Variants in MAP2 observed in about 807,000 individuals in gnomAD.
MAP2 encodes the protein microtubule-associated protein 2.
MAP2 carries 14 observed loss-of-function variants against 137.6 expected under a neutral mutation model. That is an observed-to-expected ratio of 0.10 (90% confidence interval 0.07 to 0.16). MAP2 has a LOEUF of 0.16. Ranked by LOEUF, MAP2 falls within the 10% of genes least tolerant of loss-of-function variation. The pLI, the probability that MAP2 is intolerant of heterozygous loss-of-function variation, is 1.00. For synonymous variants in MAP2, 786 were observed against 782.3 expected (o/e 1.00, Z -0.08); for missense variants, 2,088 against 2,191.5 (o/e 0.95, Z 0.94).
intron 4 of MAP2, among the ~76,000 whole-genome samples, chr2:209,639,800 G>A (rs2663659): frequency 0.29 from 43,960 of 151,406 alleles, 10,317 homozygotes; most frequent in African/African-American, 0.65. Context: ...TTTATTTAGC[G>A]AGCATTTGTT....
chr2:209,433,431 C>T (rs189829232), intron 1 of MAP2, among the ~76,000 whole-genome samples: 167 of 152,096 alleles, frequency 1.1e-3, no homozygotes, highest in African/African-American at 3.7e-3. Context: ...CCAACAGACA[C>T]GGTAGAGGAT....
intron 3 of MAP2, among the ~76,000 whole-genome samples, chr2:209,604,352 T>C (rs1478405985): frequency 6.6e-6 from 1 of 152,130 alleles, no homozygotes; most frequent in Non-Finnish European, 1.5e-5. Context: ...GGCTCTTTAG[T>C]TCCCTAAAGT....
chr2:209,539,890 G>T lies in MAP2; in HGVS notation c.-172+32249G>T, dbSNP rs2066606088. On this transcript the variant is annotated intron_variant, in intron 2 of 15. Coordinates refer to ENST00000682079, the MANE Select transcript of MAP2 (RefSeq NM_001375505.1). ...AGGCAGGAGGATTGCTTGAGGCTAG[G>T]AGTTCAAGAACAGCCTGGGTAACAT... Among the ~76,000 whole-genome samples the T allele has an allele frequency of 4.1e-5, 6 of 146,326 alleles. No individual in the cohort carries two copies. In the South Asian group the frequency reaches 1.3e-3, roughly 32 times the overall value.
intron 13 of MAP2, among the ~76,000 whole-genome samples, chr2:209,724,557 C>T (rs2073032807): frequency 6.6e-6 from 1 of 151,638 alleles, no homozygotes; most frequent in Admixed American, 6.6e-5. Context: ...TGCTTCCCAA[C>T]TGGGCAGAAG....
intron 5 of MAP2, among the ~76,000 whole-genome samples, chr2:209,677,278 A>G (rs2052286545): frequency 6.6e-6 from 1 of 152,006 alleles, no homozygotes; most frequent in Non-Finnish European, 1.5e-5. Flanking sequence ...ATTATCTCTT[A>G]GAAATAAAAT....
rs111769473 is a variant in MAP2 at position 209,587,738 on chromosome 2, A to G, written c.-107+7638A>G. Among the ~76,000 whole-genome samples, 1,406 of 152,246 alleles carry G rather than the reference A, an allele frequency of 9.2e-3. 23 individuals carry two copies. Among genetic ancestry groups the G allele is most frequent in the African/African-American group, 0.031 (1,301 of 41,570 alleles). On this transcript the variant is annotated intron_variant, in intron 3 of 15. Coordinates refer to ENST00000682079, the MANE Select transcript of MAP2 (RefSeq NM_001375505.1). ...GGCAGAGTAGCTCAAGTGCATGTTA[A>G]ATATCTGTGGTGTCCTCATCCTTAT...
At chr2:209,600,646 T>C (rs956537210) in intron 3 of MAP2, among the ~76,000 whole-genome samples, 6 of 152,218 alleles carry the variant, frequency 3.9e-5, no homozygotes, top group Admixed American at 3.9e-4. Context: ...TCTAGCCACA[T>C]ACATAGATGT....
At chr2:209,593,634 A>ATATAT (rs1553608278) in intron 3 of MAP2, among the ~76,000 whole-genome samples, 5 of 33,642 alleles carry the variant, frequency 1.5e-4, no homozygotes, top group African/African-American at 6.3e-4. Context: ...AAAAAAAAAA[A>ATATAT]ATATATATAT....
intron 2 of MAP2, among the ~76,000 whole-genome samples, chr2:209,565,760 A>G (rs990196049): frequency 1.4e-4 from 22 of 152,222 alleles, no homozygotes; most frequent in African/African-American, 5.1e-4. Context: ...CCTCTCTAGT[A>G]CAAAACATCT....
intron 7 of MAP2, chr2:209,690,745 A>G (rs2058610215): frequency 7.8e-7 from 1 of 1,289,830 alleles, no homozygotes; most frequent in South Asian, 1.2e-5. Flanking sequence ...AGGCCCAAAT[A>G]GTTCCCGAAG....
intron 4 of MAP2, among the ~76,000 whole-genome samples, chr2:209,652,328 G>A (rs1477327506): frequency 6.6e-6 from 1 of 152,100 alleles, no homozygotes; most frequent in African/African-American, 2.4e-5. Context: ...GAGAAATAAT[G>A]CCATAAGATA....
At chr2:209,593,345 AT>A (rs1189184497) in intron 3 of MAP2, among the ~76,000 whole-genome samples, 7 of 151,320 alleles carry the variant, frequency 4.6e-5, no homozygotes, top group Admixed American at 4.6e-4. Flanking sequence ...ATTAATTTGT[AT>A]TTTTTAATTA....
chr2:209,594,722 A>G (rs13017741), intron 3 of MAP2, among the ~76,000 whole-genome samples: 4,579 of 152,278 alleles, frequency 0.03, 110 homozygotes, highest in Non-Finnish European at 0.049. Context: ...TGTTTGCACT[A>G]CAATCTTTTC....
At chr2:209,593,738 A>G (rs1362436009) in intron 3 of MAP2, among the ~76,000 whole-genome samples, 5 of 1,860 alleles carry the variant, frequency 2.7e-3, no homozygotes, top group African/African-American at 4.4e-3. Flanking sequence ...ATAATATAAT[A>G]CATTATATTA....
intron 2 of MAP2, among the ~76,000 whole-genome samples, chr2:209,525,009 C>A (rs1175296367): frequency 6.6e-6 from 1 of 152,012 alleles, no homozygotes; most frequent in Non-Finnish European, 1.5e-5. Context: ...AAATTCAAAT[C>A]TTGAGACCTG....
At chr2:209,559,566 G>A (rs1274918236) in intron 2 of MAP2, among the ~76,000 whole-genome samples, 1 of 150,194 alleles carries the variant, frequency 6.7e-6, no homozygotes, top group Non-Finnish European at 1.5e-5. Context: ...CAGAAGAATC[G>A]CTTAAACGCG....
intron 1 of MAP2, among the ~76,000 whole-genome samples, chr2:209,477,632 T>C (rs563343383): frequency 6.6e-6 from 1 of 152,236 alleles, no homozygotes; most frequent in East Asian, 1.9e-4. Flanking sequence ...CCCCTACCTC[T>C]CTCTCCCCTT....
intron 4 of MAP2, among the ~76,000 whole-genome samples, chr2:209,643,975 C>G (rs2094220926): frequency 6.6e-6 from 1 of 152,178 alleles, no homozygotes; most frequent in African/African-American, 2.4e-5. Flanking sequence ...TTTTATCACT[C>G]CTCATTCTTT....
Position 209,731,094 on chromosome 2 carries a change from C to T in MAP2, c.*697C>T, listed in dbSNP as rs1424830065. ...ATGGACTCGTGTCTGATTAGAATGT[C>T]AGTTGATCAGCTAGATTTGTGTCCA... On this transcript the variant is annotated 3_prime_UTR_variant, in exon 16 of 16. Transcript: ENST00000682079. The T allele has an allele frequency of 6.6e-6, 1 of 152,602 alleles. No individual in the cohort carries two copies. Among genetic ancestry groups the T allele is most frequent in the Non-Finnish European group, 1.5e-5 (1 of 68,086 alleles). The allele number at this position is 152,602 out of a possible 1,614,324, so 9.5% of individuals were successfully genotyped here.
Sources: gnomAD v4.1 joint callset for allele counts (sites outside exome capture counted in the v4.1 genomes callset) on GRCh38, gnomAD v4.1.1 for gene constraint, MANE v1.5 for transcripts, NCBI Gene and HGNC (gene_info 2026-07-23, HGNC 2026-07-21) for gene names.